NEB: variants seen among roughly 807,000 people sequenced by gnomAD.
NEB encodes nemaline myopathy type 2.
A neutral mutation model predicts 952.2 loss-of-function variants in NEB; 512 were observed. That is an observed-to-expected ratio of 0.54 (90% CI 0.50 to 0.58). NEB has a LOEUF of 0.58. Among genes scored for constraint, NEB ranks in the 20% least tolerant of loss-of-function variants. NEB has a pLI of 0.00. For synonymous variants in NEB, 2,900 were observed against 3,149.8 expected, an observed-to-expected ratio of 0.92 and a Z score of 2.66; for missense variants, 8,428 against 9,231.1, an observed-to-expected ratio of 0.91 and a Z score of 3.56.
intron 40 of NEB, among the ~76,000 whole-genome samples, chr2:151,667,233 G>C (rs1283603876): frequency 6.6e-6 from 1 of 151,502 alleles, no homozygotes; most frequent in East Asian, 1.9e-4. Context: ...TAAAATACTT[G>C]GAGACTTTTC....
intron 124 of NEB, among the ~76,000 whole-genome samples, chr2:151,558,439 C>T (rs918325428): frequency 1.3e-5 from 2 of 152,088 alleles, no homozygotes; most frequent in African/African-American, 2.4e-5. Context: ...AGCCATACTG[C>T]CCAAGGTAAT....
rs1313602052 is a variant in NEB at position 151,697,186 on chromosome 2, C to G, written c.1432G>C (p.Glu478Gln). 6.2e-7 allele frequency: 1 copy of G among 1,613,496 alleles called. No individual in the cohort carries two copies. The highest frequency in any genetic ancestry group is 2.2e-5 in the East Asian group (1 of 44,878). The change falls in exon 16 of 182, where the codon GAA (glutamate) becomes CAA (glutamine). Residue 478 changes from glutamate to glutamine, a missense_variant. By Grantham distance (29) the Glu-to-Gln change is conservative. Transcript: ENST00000397345. ...KGFFPQTITQEYEAIKKLDQC... is the reference protein window; with the variant it reads ...KGFFPQTITQQYEAIKKLDQC... ...TCTAGTTTCTTAATTGCTTCATATT[C>G]TTGAGTTATGGTCTGAGGGAAGAAG...
At chr2:151,673,732 C>CTTT (rs10716811) in intron 36 of NEB, among the ~76,000 whole-genome samples, 2 of 92,846 alleles carry the variant, frequency 2.2e-5, no homozygotes, top group African/African-American at 3.5e-5. Flanking sequence ...TTTTCTTTTT[C>CTTT]TTTTTTTTTT....
chr2:151,581,415 G>A, intron 103 of NEB, 68 bp downstream of exon 103: 1 of 454,286 alleles, frequency 2.2e-6, no homozygotes, highest in South Asian at 3.1e-5. Context: ...ACTCTCTTTG[G>A]GGTGTATAAT....
At chr2:151,636,478 A>T (rs1462237494) in intron 63 of NEB, 144 bp from the exon 64 acceptor site, 1 of 690,580 alleles carries the variant, frequency 1.4e-6, no homozygotes, top group African/African-American at 1.8e-5. Context: ...ATGTTTGTTG[A>T]AGTGAAGACT....
At chr2:151,709,564 C>T (rs1472557137) in intron 12 of NEB, 92 bp downstream of exon 12, 1 of 937,234 alleles carries the variant, frequency 1.1e-6, no homozygotes, top group Admixed American at 2.2e-5. Context: ...AACCACTCCT[C>T]CCCTTTTTTA....
At chr2:151,728,220 T>C (rs1434853411) in intron 4 of NEB, among the ~76,000 whole-genome samples, 3 of 152,180 alleles carry the variant, frequency 2.0e-5, no homozygotes, top group Non-Finnish European at 4.4e-5. Context: ...AAATTGGCAA[T>C]AAACTATTTT....
chr2:151,553,624 CA>C (rs1559853542), intron 126 of NEB, 122 bp from the exon 127 acceptor site: 2 of 854,246 alleles, frequency 2.3e-6, no homozygotes, highest in Non-Finnish European at 3.7e-6. Context: ...AGGCATTATG[CA>C]AAGAGGCTCA....
rs2099557939 is a variant in NEB at position 151,692,276 on chromosome 2, C to T, written c.1983G>A (p.Leu661=). The change falls in exon 21 of 182, where the codon CTG becomes CTA. Residue 661 remains leucine, a synonymous_variant. Transcript: ENST00000397345. ...CTTTTCGAACCTCACTGAAGTTCTT[C>T]AGCTGAGTATCAAGTTGATATTTTG... The part of the protein sequence containing the change: ...ETPKYQLDTQ[L]KNFSEARYKD... The T allele has an allele frequency of 1.9e-6, 3 of 1,613,810 alleles. No individual in the cohort carries two copies. Among genetic ancestry groups the T allele is most frequent in the South Asian group, 1.1e-5 (1 of 91,080 alleles).
At chr2:151,613,523 C>T (rs1222330829) in intron 77 of NEB, among the ~76,000 whole-genome samples, 69 of 152,170 alleles carry the variant, frequency 4.5e-4, no homozygotes, top group Admixed American at 4.5e-3. Flanking sequence ...CAATATATTA[C>T]AGCAGTATTG....
rs905562176 is a variant in NEB, at chr2:151,493,184, A to G, written c.24765+169T>C. 11 of 572,060 alleles carry G rather than the reference A, an allele frequency of 1.9e-5. No individual in the cohort carries two copies. The African/African-American group carries it at 2.1e-4, about 11-fold the overall frequency. 35.4% of individuals were successfully genotyped at this position (572,060 alleles called of 1,614,324 possible). On this transcript the variant is annotated intron_variant, in intron 176 of 181. Transcript: ENST00000397345. ...CTATTTTAGTGTAAATTTTCAGTTG[A>G]ATAAGTGCAAATTTTTATGGTGTTA...
Position 151,671,165 on chromosome 2 carries a change from A to T in NEB, c.4364T>A (p.Leu1455Gln), listed in dbSNP as rs758473230. 9.3e-6 allele frequency: 15 copies of T among 1,613,854 alleles called. No individual in the cohort carries two copies. Among genetic ancestry groups the T allele is most frequent in the Non-Finnish European group, 1.7e-6 (2 of 1,179,876 alleles). Reference protein sequence around the residue: ...KGIGWIPIGSLEVEKVKKAGD... With the variant: ...KGIGWIPIGSQEVEKVKKAGD... ...TGCTTTCTTGACCTTCTCCACCTCC[A>T]GGGAACCAATAGGGATCCATCCGAT... Residue 1455 changes from leucine (L) to glutamine (Q), a missense_variant, in exon 38 of 182, where the codon CTG (leucine) becomes CAG (glutamine). By Grantham distance (113) the Leu-to-Gln change is moderately radical (BLOSUM62 -2). Coordinates refer to ENST00000397345, the MANE Select transcript of NEB (RefSeq NM_001164508.2).
chr2:151,639,503 A>T, intron 62 of NEB, 119 bp from the exon 63 acceptor site: 1 of 698,546 alleles, frequency 1.4e-6, no homozygotes, highest in South Asian at 2.5e-5. Context: ...TATACACATT[A>T]TGTGTTTTAT....
intron 116 of NEB, 97 bp downstream of exon 116, chr2:151,565,404 T>A: frequency 1.1e-6 from 1 of 931,336 alleles, no homozygotes; most frequent in South Asian, 1.4e-5. Flanking sequence ...CCTCCCAATT[T>A]TTTTACAAGC....
chr2:151,507,924 C>G, intron 162 of NEB, 81 bp downstream of exon 162: 1 of 998,234 alleles, frequency 1.0e-6, no homozygotes. Context: ...AGCCCCACTG[C>G]AAGCCTGGGA....
intron 37 of NEB, among the ~76,000 whole-genome samples, chr2:151,671,823 A>G (rs2099301142): frequency 6.6e-6 from 1 of 152,178 alleles, no homozygotes; most frequent in African/African-American, 2.4e-5. Context: ...GGACAATTCT[A>G]ACAGAAATCT....
At chr2:151,537,605 T>C (rs2093398427) in intron 140 of NEB, among the ~76,000 whole-genome samples, 1 of 152,196 alleles carries the variant, frequency 6.6e-6, no homozygotes, top group Non-Finnish European at 1.5e-5. Flanking sequence ...CAAAATAGGC[T>C]ATTTCCTAGA....
intron 92 of NEB, among the ~76,000 whole-genome samples, chr2:151,595,353 G>A (rs2097405465): frequency 6.6e-6 from 1 of 152,144 alleles, no homozygotes; most frequent in African/African-American, 2.4e-5. Context: ...CCAGGTTCAA[G>A]TGATTCTCCT....
chr2:151,621,063 C>A (rs1204824057), intron 71 of NEB, 37 bp from the exon 72 acceptor site: 3 of 1,493,746 alleles, frequency 2.0e-6, no homozygotes, highest in Non-Finnish European at 2.8e-6. Context: ...ATATAGAATT[C>A]ACATTCACTC....
Sources: gnomAD v4.1 joint callset for allele counts (sites outside exome capture counted in the v4.1 genomes callset) on GRCh38, gnomAD v4.1.1 for gene constraint, MANE v1.5 for transcripts, NCBI Gene and HGNC (gene_info 2026-07-23, HGNC 2026-07-21) for gene names.